The following PRCP variants were observed in gnomAD, a reference collection of about 807,000 sequenced individuals.
PRCP encodes prolylcarboxypeptidase, also known as lysosomal Pro-X carboxypeptidase.
PRCP carries 46 observed loss-of-function variants against 54.2 expected under a neutral mutation model. That is an observed-to-expected ratio of 0.85 (90% CI 0.67 to 1.09). PRCP has a LOEUF of 1.09. PRCP is among the 50% of genes least tolerant of loss of function. PRCP has a pLI of 0.00. For synonymous variants in PRCP, 240 were observed against 212.2 expected (o/e 1.13, Z -1.14); for missense variants, 613 against 596.8 (o/e 1.03, Z -0.28).
intron 1 of PRCP, among the ~76,000 whole-genome samples, chr11:82,882,553 T>C (rs1859773521): frequency 1.4e-5 from 2 of 143,572 alleles, no homozygotes; most frequent in South Asian, 4.3e-4. Flanking sequence ...TGGAGTGCAG[T>C]GGCGCAATCT....
intron 1 of PRCP, among the ~76,000 whole-genome samples, chr11:82,860,426 T>C (rs1859182860): frequency 6.6e-6 from 1 of 152,072 alleles, no homozygotes; most frequent in South Asian, 2.1e-4. Context: ...AAATACAATG[T>C]GAACCCTTTT....
In PRCP at chr11:82,849,993, T is replaced by C. The variant is rs1202868745; in HGVS notation, c.672A>G (p.Thr224=). ...AATGTGGACCGCTTTTCCTAAAATC[T>C]GTAGTTACGATCTTCATAAATACAC... ...PCGVFMKIVT[T]DFRKSGPHCS... is the part of the protein sequence containing the mutation. The change falls in exon 5 of 9, where the codon ACA becomes ACG. Residue 224 remains threonine, a synonymous_variant. Transcript: ENST00000313010. The C allele has an allele frequency of 3.8e-6, 6 of 1,563,346 alleles. No individual in the cohort carries two copies. Among genetic ancestry groups the C allele is most frequent in the Non-Finnish European group, 4.3e-6 (5 of 1,153,722 alleles).
chr11:82,826,507 T>C (rs903649811), intron 8 of PRCP: 4 of 152,222 alleles, frequency 2.6e-5, no homozygotes, highest in African/African-American at 9.6e-5. Context: ...GGATATATAG[T>C]AACAACCTAT....
At chr11:82,849,268 T>C (rs1421361019) in intron 5 of PRCP, 50 bp from the exon 6 acceptor site, 5 of 1,579,522 alleles carry the variant, frequency 3.2e-6, no homozygotes, top group Non-Finnish European at 4.3e-6. Context: ...GGTCAACAGA[T>C]GTCTTTACAG....
Position 82,851,454 on chromosome 11 carries a change from T to C in PRCP, c.412-949A>G, listed in dbSNP as rs545917232. Among the ~76,000 whole-genome samples the C allele has an allele frequency of 4.6e-4, 69 of 149,642 alleles. 1 individual carries two copies. The South Asian group carries it at 4.8e-3, about 10-fold the overall frequency. ...GTAGACCCTTAACTGCAGCCTCTTG[T>C]CAACATCCAGCACCAGTTTTATCTC... On this transcript the variant is annotated intron_variant, in intron 3 of 8. Coordinates refer to ENST00000313010, the MANE Select transcript of PRCP (RefSeq NM_005040.4).
upstream of PRCP, chr11:82,900,525 C>T: frequency 2.2e-6 from 3 of 1,370,282 alleles, no homozygotes; most frequent in Non-Finnish European, 3.0e-6. Context: ...CCAGGGGAAA[C>T]CCAAAGCCAG....
intron 8 of PRCP, among the ~76,000 whole-genome samples, chr11:82,833,732 T>C (rs943783449): frequency 6.6e-6 from 1 of 152,188 alleles, no homozygotes; most frequent in African/African-American, 2.4e-5. Flanking sequence ...TTTTAATGCA[T>C]CACAACAACT....
In PRCP at chr11:82,900,378, G is replaced by A. The variant is rs968529490; in HGVS notation, c.25C>T (p.Leu9=). MGRRALLL[L]LLSFLAPWAT... is the part of the protein sequence containing the mutation. ...CAGGGCGCCAGAAAAGACAGAAGCA[G>A]GAGCAGGAGGGCTCGGCGGCCCATG... The change falls in exon 1 of 9, where the codon CTG becomes TTG. Residue 9 remains leucine (L), a synonymous_variant. Coordinates refer to ENST00000313010, the MANE Select transcript of PRCP (RefSeq NM_005040.4). 6.2e-7 allele frequency: 1 copy of A among 1,613,832 alleles called. No individual in the cohort carries two copies. The highest frequency in any genetic ancestry group is 8.5e-7 in the Non-Finnish European group (1 of 1,179,878).
At chr11:82,872,251 A>G (rs747975002) in intron 1 of PRCP, among the ~76,000 whole-genome samples, 3 of 152,202 alleles carry the variant, frequency 2.0e-5, no homozygotes, top group African/African-American at 4.8e-5. Flanking sequence ...AGGGAGGACT[A>G]CTGTATAGCT....
Position 82,824,045 on chromosome 11 carries a change from AT to A in PRCP, c.*860del, listed in dbSNP as rs1194686102. ...TACTTTTGGAATAGCTGATTCATCAATTTTTAAAGGCTTCTTACTGAAATAT... is the reference window on the plus strand; with the variant it reads ...TACTTTTGGAATAGCTGATTCATCAATTTTAAAGGCTTCTTACTGAAATAT... On this transcript the variant is annotated 3_prime_UTR_variant, in exon 9 of 9. Coordinates refer to ENST00000313010, the MANE Select transcript of PRCP (RefSeq NM_005040.4). 6.6e-6 allele frequency: 1 copy of A among 152,228 alleles called. No homozygotes were observed. Among genetic ancestry groups the A allele is most frequent in the African/African-American group, 2.4e-5 (1 of 41,452 alleles). The allele number at this position is 152,228 out of a possible 1,614,324, so 9.4% of individuals were successfully genotyped here. A position where few individuals can be genotyped will look rare whatever the true frequency, so the allele number is the denominator to read the frequency against.
chr11:82,881,746 AG>A (rs1859754464), intron 1 of PRCP, among the ~76,000 whole-genome samples: 1 of 152,182 alleles, frequency 6.6e-6, no homozygotes, highest in Non-Finnish European at 1.5e-5. Flanking sequence ...TTGGATGTGA[AG>A]GTGAGAGAAT....
chr11:82,864,077 G>A (rs544784073), intron 1 of PRCP, among the ~76,000 whole-genome samples: 10 of 152,306 alleles, frequency 6.6e-5, no homozygotes, highest in Admixed American at 1.3e-4. Context: ...AGATATATAC[G>A]TGCTTAAAAG....
At chr11:82,886,321 G>T (rs2121256003) in intron 1 of PRCP, among the ~76,000 whole-genome samples, 1 of 152,188 alleles carries the variant, frequency 6.6e-6, no homozygotes, top group East Asian at 1.9e-4. Flanking sequence ...GTGTCATTCT[G>T]TCGCCCATGC....
chr11:82,828,388 C>T (rs1565215206), intron 8 of PRCP: 2 of 152,156 alleles, frequency 1.3e-5, no homozygotes, highest in African/African-American at 2.4e-5. Flanking sequence ...TCTCATCTAC[C>T]TAATCTCATT....
Position 82,860,130 on chromosome 11 carries a change from C to A in PRCP, c.169-13G>T. On this transcript the variant is annotated splice_polypyrimidine_tract_variant and intron_variant, in intron 1 of 8. Transcript: ENST00000313010. ...CAAAATGATCAACCTGTGATAAAAA[C>A]AAAACAAAACATATTTCAAAGGAAA... 1 of 1,439,072 alleles carries A rather than the reference C, an allele frequency of 6.9e-7. No homozygotes were observed. Among genetic ancestry groups the A allele is most frequent in the Non-Finnish European group, 9.3e-7 (1 of 1,078,762 alleles). 89.1% of individuals were successfully genotyped at this position (1,439,072 alleles called of 1,614,324 possible).
chr11:82,877,642 C>T (rs77550123), intron 1 of PRCP, among the ~76,000 whole-genome samples: 1 of 152,178 alleles, frequency 6.6e-6, no homozygotes, highest in African/African-American at 2.4e-5. Context: ...TGCAGGTGCA[C>T]AGAAGTCAAG....
At chr11:82,895,604 G>A (rs77840010) in intron 1 of PRCP, among the ~76,000 whole-genome samples, 106 of 152,256 alleles carry the variant, frequency 7.0e-4, no homozygotes, top group African/African-American at 2.5e-3. Context: ...ATGATTCTGT[G>A]TCACCAAACA....
chr11:82,875,566 G>A (rs1363280837), intron 1 of PRCP, among the ~76,000 whole-genome samples: 1 of 152,142 alleles, frequency 6.6e-6, no homozygotes, highest in Non-Finnish European at 1.5e-5. Context: ...CTCTTTCATC[G>A]TTCCACCATT....
At chr11:82,892,985 G>A (rs1860038329) in intron 1 of PRCP, among the ~76,000 whole-genome samples, 1 of 152,172 alleles carries the variant, frequency 6.6e-6, no homozygotes, top group Non-Finnish European at 1.5e-5. Context: ...AGGTGGGTGG[G>A]TAAGTGACTG....
Sources: gnomAD v4.1 joint callset for allele counts (sites outside exome capture counted in the v4.1 genomes callset) on GRCh38, gnomAD v4.1.1 for gene constraint, MANE v1.5 for transcripts, NCBI Gene and HGNC (gene_info 2026-07-23, HGNC 2026-07-21) for gene names.